Variants in PEAK1 observed in about 807,000 individuals in gnomAD.
The protein encoded by PEAK1 is inactive tyrosine-protein kinase PEAK1.
Under a neutral mutation model 124.7 loss-of-function variants are expected in PEAK1, and 54 were observed. That is an observed-to-expected ratio of 0.43 (90% CI 0.35 to 0.54). The LOEUF is 0.54. Ranked by LOEUF, PEAK1 falls within the 20% of genes least tolerant of loss-of-function variation. The probability of loss-of-function intolerance (pLI) is 0.01; values close to 1 mark genes in which losing one functional copy is unlikely to be tolerated. For synonymous variants in PEAK1, 719 were observed against 760.0 expected, an observed-to-expected ratio of 0.95 and a Z score of 0.89; for missense variants, 2,046 against 2,134.5, an observed-to-expected ratio of 0.96 and a Z score of 0.82.
At chr15:77,239,549 C>A (rs2060265779) in intron 6 of PEAK1, among the ~76,000 whole-genome samples, 1 of 152,134 alleles carries the variant, frequency 6.6e-6, no homozygotes, top group African/African-American at 2.4e-5. Context: ...TCATGCATGG[C>A]AAACAGCATA....
chr15:77,369,566 G>A (rs1011761392), intron 1 of PEAK1, among the ~76,000 whole-genome samples: 3 of 152,114 alleles, frequency 2.0e-5, no homozygotes, highest in African/African-American at 4.8e-5. Flanking sequence ...TGGTTTTTAC[G>A]TATTTAAAGG....
intron 1 of PEAK1, chr15:77,419,607 G>A (rs2073199682): frequency 1.0e-6 from 1 of 985,014 alleles, no homozygotes; most frequent in Non-Finnish European, 1.2e-6. Flanking sequence ...CTCCTGCCCC[G>A]GCCTCCCCGC....
chr15:77,232,372 A>T (rs1320957570), intron 6 of PEAK1, among the ~76,000 whole-genome samples: 1 of 152,088 alleles, frequency 6.6e-6, no homozygotes, highest in African/African-American at 2.4e-5. Context: ...ATTTATTATC[A>T]CAAATCTCAA....
At chr15:77,404,550 C>CT (rs2071645395) in intron 1 of PEAK1, 1 of 726,058 alleles carries the variant, frequency 1.4e-6, no homozygotes, top group African/African-American at 1.9e-5. Flanking sequence ...CTTTTTTGTA[C>CT]TTTTTTAAAT....
intron 5 of PEAK1, among the ~76,000 whole-genome samples, chr15:77,261,744 G>A (rs1385453721): frequency 2.6e-5 from 4 of 152,002 alleles, no homozygotes; most frequent in South Asian, 2.1e-4. Flanking sequence ...ATTCAGATTC[G>A]GGAAATACAG....
intron 2 of PEAK1, among the ~76,000 whole-genome samples, chr15:77,313,452 C>T (rs1380505406): frequency 6.6e-6 from 1 of 151,660 alleles, no homozygotes; most frequent in African/African-American, 2.4e-5. Flanking sequence ...ACAAAGACTT[C>T]CTTTTATTTT....
intron 1 of PEAK1, among the ~76,000 whole-genome samples, chr15:77,410,759 C>T: frequency 6.6e-6 from 1 of 152,196 alleles, no homozygotes; most frequent in East Asian, 1.9e-4. Flanking sequence ...AAATACAACA[C>T]ACTGGTCCAT....
At chr15:77,219,451 G>A (rs1313682833) in intron 6 of PEAK1, among the ~76,000 whole-genome samples, 2 of 152,034 alleles carry the variant, frequency 1.3e-5, no homozygotes, top group Non-Finnish European at 2.9e-5. Context: ...AGTTAATTTG[G>A]TAAACAACAG....
At chr15:77,286,791 G>A (rs2062952855) in intron 2 of PEAK1, among the ~76,000 whole-genome samples, 1 of 152,124 alleles carries the variant, frequency 6.6e-6, no homozygotes, top group Non-Finnish European at 1.5e-5. Context: ...CAGTACCTCT[G>A]CTAAAGATAA....
At chr15:77,156,800 T>A (rs567328751) in intron 8 of PEAK1, 5 of 152,244 alleles carry the variant, frequency 3.3e-5, no homozygotes, top group African/African-American at 1.2e-4. Flanking sequence ...TAATTTCTGA[T>A]ATATTATGCT....
In PEAK1 at chr15:77,263,956, G is replaced by A. The variant is rs903469243; in HGVS notation, c.-274-11430C>T. Among the ~76,000 whole-genome samples the A allele has an allele frequency of 2.4e-4, 37 of 152,112 alleles. 1 individual carries two copies. The highest frequency in any genetic ancestry group is 7.0e-4 in the African/African-American group (29 of 41,486). On this transcript the variant is annotated intron_variant, in intron 5 of 9. Coordinates refer to ENST00000682557, the MANE Select transcript of PEAK1 (RefSeq NM_001385026.1). ...GGGATGCAAGGCTGGTTCAACATAC[G>A]CAAATCAATAAACATAATCCAGCAT...
chr15:77,311,670 C>T (rs1402336792), intron 2 of PEAK1, among the ~76,000 whole-genome samples: 4 of 127,614 alleles, frequency 3.1e-5, no homozygotes, highest in South Asian at 5.6e-4. Context: ...GAGATTCCAA[C>T]CCCCCCAACC....
intron 2 of PEAK1, among the ~76,000 whole-genome samples, chr15:77,297,956 GCTGAGGCAGGAGA>G (rs938452918): frequency 1.4e-5 from 2 of 148,036 alleles, no homozygotes; most frequent in African/African-American, 5.0e-5. Context: ...TACTCGGGAG[GCTGAGGCAGGAGA>G]ATGGCGTGAA....
intron 6 of PEAK1, among the ~76,000 whole-genome samples, chr15:77,212,961 T>C (rs2058974356): frequency 6.6e-6 from 1 of 152,200 alleles, no homozygotes; most frequent in Admixed American, 6.5e-5. Flanking sequence ...GAATTTTTCA[T>C]TTATTAGCAA....
intron 1 of PEAK1, chr15:77,418,488 A>G (rs2073071804): frequency 3.0e-6 from 3 of 985,090 alleles, no homozygotes; most frequent in Non-Finnish European, 3.6e-6. Flanking sequence ...AAAATTCACT[A>G]GCAATGCTAT....
At chr15:77,168,266 T>C (rs201093243) in intron 7 of PEAK1, among the ~76,000 whole-genome samples, 44 of 74,158 alleles carry the variant, frequency 5.9e-4, no homozygotes, top group Middle Eastern at 7.7e-3. Context: ...CACACACACA[T>C]ATTAATAGGC....
chr15:77,333,239 C>G (rs907014283), intron 2 of PEAK1: 1 of 917,406 alleles, frequency 1.1e-6, no homozygotes, highest in African/African-American at 1.8e-5. Flanking sequence ...CCTTTCTCAG[C>G]CTCCTAAAGT....
intron 5 of PEAK1, among the ~76,000 whole-genome samples, chr15:77,262,767 C>T (rs966950994): frequency 1.4e-4 from 22 of 151,952 alleles, no homozygotes; most frequent in African/African-American, 5.3e-4. Flanking sequence ...TAGACATCTA[C>T]AGAACTCTCC....
At chr15:77,169,293 C>T (rs971765298) in intron 7 of PEAK1, among the ~76,000 whole-genome samples, 6 of 152,262 alleles carry the variant, frequency 3.9e-5, no homozygotes, top group South Asian at 2.1e-4. Context: ...CAATTATTTA[C>T]GTAAGAGTGA....
Sources: allele counts gnomAD v4.1 joint callset (sites outside exome capture counted in the v4.1 genomes callset), GRCh38; gene constraint gnomAD v4.1.1; transcripts MANE v1.5; gene names NCBI Gene and HGNC (gene_info 2026-07-23, HGNC 2026-07-21).